PLCL1: variants seen among roughly 807,000 people sequenced by gnomAD.
PLCL1 encodes the protein phospholipase C like 1 (inactive).
Under a neutral mutation model 84.4 loss-of-function variants are expected in PLCL1, and 41 were observed. The observed-to-expected ratio is 0.49, with a 90% CI of 0.38 to 0.63. The LOEUF is 0.63. PLCL1 is among the 30% of genes least tolerant of loss of function. The pLI is 0.00. For missense variants in PLCL1, 1,206 were observed against 1,367.8 expected (o/e 0.88, Z 1.87); for synonymous variants, 490 against 488.3 (o/e 1.00, Z -0.05).
chr2:197,936,870 G>C (rs554019875), intron 1 of PLCL1, among the ~76,000 whole-genome samples: 1 of 152,216 alleles, frequency 6.6e-6, no homozygotes, highest in South Asian at 2.1e-4. Flanking sequence ...CCAATGTCAC[G>C]TAGCTTTCCC....
intron 5 of PLCL1, among the ~76,000 whole-genome samples, chr2:198,106,238 TG>T (rs2105915863): frequency 6.6e-6 from 1 of 152,092 alleles, no homozygotes; most frequent in South Asian, 2.1e-4. Context: ...GTCTTTAACC[TG>T]TGCTGCAGAG....
intron 5 of PLCL1, among the ~76,000 whole-genome samples, chr2:198,115,738 A>G (rs1432905841): frequency 6.6e-6 from 1 of 151,614 alleles, no homozygotes; most frequent in Admixed American, 6.6e-5. Flanking sequence ...GTGGAACTCC[A>G]TTTATAAAAC....
intron 1 of PLCL1, among the ~76,000 whole-genome samples, chr2:197,906,960 T>G (rs1258962723): frequency 3.3e-5 from 5 of 152,202 alleles, no homozygotes; most frequent in Non-Finnish European, 7.3e-5. Flanking sequence ...AAGGAGTTTT[T>G]GGGCTGAGAT....
At chr2:198,113,976 C>A (rs778448463) in intron 5 of PLCL1, among the ~76,000 whole-genome samples, 5 of 151,414 alleles carry the variant, frequency 3.3e-5, no homozygotes, top group Admixed American at 1.3e-4. Context: ...TGAGAAATTT[C>A]TACAATTTAA....
chr2:197,924,887 C>A (rs1400546399), intron 1 of PLCL1, among the ~76,000 whole-genome samples: 2 of 152,014 alleles, frequency 1.3e-5, no homozygotes, highest in African/African-American at 2.4e-5. Context: ...TGAGAATAAT[C>A]TAGAACTGAT....
At chr2:197,973,995 G>T (rs901515184) in intron 1 of PLCL1, among the ~76,000 whole-genome samples, 1 of 152,188 alleles carries the variant, frequency 6.6e-6, no homozygotes, top group Non-Finnish European at 1.5e-5. Context: ...AGTGGCAGTG[G>T]AGAAGGAGAG....
intron 1 of PLCL1, among the ~76,000 whole-genome samples, chr2:198,016,262 A>C (rs1480048535): frequency 6.6e-6 from 1 of 152,092 alleles, no homozygotes; most frequent in African/African-American, 2.4e-5. Context: ...GGTTGGAAGA[A>C]GAGTAAAAGA....
At chr2:198,050,231 T>A (rs144595303) in intron 1 of PLCL1, among the ~76,000 whole-genome samples, 1 of 152,300 alleles carries the variant, frequency 6.6e-6, no homozygotes, top group East Asian at 1.9e-4. Context: ...GTTTTTTTTC[T>A]GTACGTTTTC....
chr2:197,972,007 G>A (rs777641621), intron 1 of PLCL1, among the ~76,000 whole-genome samples: 5 of 152,202 alleles, frequency 3.3e-5, no homozygotes, highest in Middle Eastern at 3.2e-3. Context: ...TATTTAAAAT[G>A]TACATGTTTA....
At chr2:197,990,982 T>C (rs1030372595) in intron 1 of PLCL1, among the ~76,000 whole-genome samples, 2 of 151,704 alleles carry the variant, frequency 1.3e-5, no homozygotes, top group Non-Finnish European at 2.9e-5. Context: ...CTGGAGGGAG[T>C]GAAGGTTAAT....
At chr2:197,894,356 C>T (rs1419296207) in intron 1 of PLCL1, among the ~76,000 whole-genome samples, 1 of 151,956 alleles carries the variant, frequency 6.6e-6, no homozygotes, top group Non-Finnish European at 1.5e-5. Context: ...AGTGCACATC[C>T]TCATAGTTTC....
chr2:197,923,249 G>A (rs1324334744), intron 1 of PLCL1, among the ~76,000 whole-genome samples: 19 of 146,100 alleles, frequency 1.3e-4, no homozygotes, highest in African/African-American at 2.8e-4. Context: ...CTGGCCGGGC[G>A]GGGGGCTGAC....
chr2:198,002,958 C>T (rs996593994), intron 1 of PLCL1, among the ~76,000 whole-genome samples: 1 of 152,084 alleles, frequency 6.6e-6, no homozygotes, highest in Non-Finnish European at 1.5e-5. Context: ...TCAGGATTTC[C>T]AGCCCTCTAT....
chr2:197,862,126 T>TA (rs5837564), intron 1 of PLCL1, among the ~76,000 whole-genome samples: 1 of 151,826 alleles, frequency 6.6e-6, no homozygotes, highest in Non-Finnish European at 1.5e-5. Flanking sequence ...GTTACATGGA[T>TA]TTTAATAATT....
rs748775375 is a variant in PLCL1 at position 198,084,276 on chromosome 2, T to G, written c.759T>G (p.Val253=). 1.9e-6 allele frequency: 3 copies of G among 1,614,114 alleles called. No individual in the cohort carries two copies. In the South Asian group the frequency reaches 3.3e-5, roughly 18 times the overall value. ...AAACAGTGTTTGAAGCAGCAGATGT[T>G]GATGGGAATGGGATTATGTTGGAAG... ...WLKTVFEAAD[V]DGNGIMLEDT... The change falls in exon 2 of 6, where the codon GTT becomes GTG. Residue 253 remains valine, a synonymous_variant. Transcript: ENST00000428675.
At chr2:198,089,091 CGTGT>C in intron 3 of PLCL1, 30 bp downstream of exon 3, 7 of 1,492,814 alleles carry the variant, frequency 4.7e-6, no homozygotes, top group Non-Finnish European at 6.5e-6. Context: ...TATTTTTTTA[CGTGT>C]GTGTGTGTGT....
intron 1 of PLCL1, among the ~76,000 whole-genome samples, chr2:197,932,972 T>A (rs1688971818): frequency 6.6e-6 from 1 of 152,202 alleles, no homozygotes; most frequent in South Asian, 2.1e-4. Context: ...AAACAATAAG[T>A]TAGAATTTCA....
chr2:198,080,147 G>T (rs1022708618), intron 1 of PLCL1, among the ~76,000 whole-genome samples: 3 of 152,168 alleles, frequency 2.0e-5, no homozygotes, highest in African/African-American at 7.2e-5. Flanking sequence ...CACATTGGCT[G>T]GAGCACACCT....
rs536395932 is a variant in PLCL1 at position 198,067,127 on chromosome 2, C to CTTT, written c.241-16616_241-16614dup. Among the ~76,000 whole-genome samples the CTTT allele has an allele frequency of 2.9e-3, 389 of 136,490 alleles. 2 individuals are homozygous for CTTT. Among genetic ancestry groups the CTTT allele is most frequent in the African/African-American group, 9.9e-3 (363 of 36,834 alleles). The allele number at this position is 136,490 out of a possible 152,430, so 89.5% of individuals were successfully genotyped here. On this transcript the variant is annotated intron_variant, in intron 1 of 5. Transcript: ENST00000428675. ...ACCATGTCCTCTTTTTTGTGGCCCT[C>CTTT]TTTTTTTTTTTTTTTTTAGAGACGG... is the stretch of plus-strand genomic sequence containing the variant.
Sources: allele counts gnomAD v4.1 joint callset (sites outside exome capture counted in the v4.1 genomes callset), GRCh38; gene constraint gnomAD v4.1.1; transcripts MANE v1.5; gene names NCBI Gene and HGNC (gene_info 2026-07-23, HGNC 2026-07-21).